Variants in STAB2 observed in about 807,000 individuals in gnomAD.
The protein encoded by STAB2 is stabilin 2, also known as stabilin-2.
In STAB2, 288 loss-of-function variants were observed where a neutral mutation model predicts 338.1. The ratio of observed to expected loss-of-function variants is 0.85; its 90% CI spans 0.77 to 0.94. STAB2 has a LOEUF of 0.94. Among genes scored for constraint, STAB2 ranks in the 40% least tolerant of loss-of-function variants. STAB2 has a pLI of 0.00. For synonymous variants in STAB2, 1,202 were observed against 1,193.3 expected (o/e 1.01, Z -0.15); for missense variants, 3,141 against 3,210.1 (o/e 0.98, Z 0.52).
intron 58 of STAB2, among the ~76,000 whole-genome samples, chr12:103,748,493 G>A (rs1883257278): frequency 1.3e-5 from 2 of 152,034 alleles, no homozygotes; most frequent in South Asian, 4.1e-4. Flanking sequence ...GCTTTGTCAG[G>A]TCAGTTAAGC....
At chr12:103,645,619 C>T (rs1210898390) in intron 9 of STAB2, among the ~76,000 whole-genome samples, 4 of 152,244 alleles carry the variant, frequency 2.6e-5, no homozygotes, top group Non-Finnish European at 4.4e-5. Flanking sequence ...CCAGTCTCCT[C>T]CTTTCCATCA....
chr12:103,732,044 C>T (rs1047092706), intron 50 of STAB2, among the ~76,000 whole-genome samples: 5 of 152,200 alleles, frequency 3.3e-5, no homozygotes, highest in African/African-American at 4.8e-5. Flanking sequence ...CACAGTGGCT[C>T]ACACCTGTAA....
At chr12:103,606,651 T>C (rs1245636393) in intron 3 of STAB2, among the ~76,000 whole-genome samples, 1 of 152,180 alleles carries the variant, frequency 6.6e-6, no homozygotes, top group African/African-American at 2.4e-5. Flanking sequence ...TTTTGGTAAT[T>C]TAAAGATGTT....
chr12:103,747,474 G>C (rs1319970542), intron 58 of STAB2, among the ~76,000 whole-genome samples: 2 of 152,144 alleles, frequency 1.3e-5, no homozygotes, highest in Non-Finnish European at 2.9e-5. Context: ...CCTCACCTGA[G>C]GTGGCCAATA....
chr12:103,620,671 A>T (rs1461302081), intron 4 of STAB2, 118 bp downstream of exon 4: 6 of 892,072 alleles, frequency 6.7e-6, no homozygotes, highest in Non-Finnish European at 8.5e-6. Context: ...ACACACATAT[A>T]CAGCGAAGTT....
intron 2 of STAB2, 89 bp downstream of exon 2, chr12:103,591,119 C>A: frequency 6.4e-7 from 1 of 1,571,702 alleles, no homozygotes; most frequent in Non-Finnish European, 8.7e-7. Flanking sequence ...CATGACTTTT[C>A]TCTTGCTCTA....
At chr12:103,737,832 C>A in intron 53 of STAB2, 52 bp downstream of exon 53, 3 of 1,607,132 alleles carry the variant, frequency 1.9e-6, no homozygotes, top group Non-Finnish European at 2.5e-6. Flanking sequence ...CAAAGAATGG[C>A]CCTCATGATC....
Position 103,725,022 on chromosome 12 carries a change from A to G in STAB2, c.4731A>G (p.Gln1577=). ...TTGCCATCTGCAACCACACTGGGCA[A>G]GTAGAAAGGACTTGTACTTGCAAGC... ...SEFAICNHTG[Q]VERTCTCKPN... is the part of the protein sequence containing the mutation. Residue 1577 remains glutamine, a synonymous_variant, in exon 45 of 69, where the codon CAA becomes CAG. Transcript: ENST00000388887. 1.1e-5 allele frequency: 18 copies of G among 1,614,180 alleles called. No individual in the cohort carries two copies. The highest frequency in any genetic ancestry group is 1.5e-5 in the Non-Finnish European group (18 of 1,179,986).
intron 20 of STAB2, among the ~76,000 whole-genome samples, chr12:103,669,004 T>C (rs1476159966): frequency 6.6e-6 from 1 of 152,196 alleles, no homozygotes; most frequent in African/African-American, 2.4e-5. Flanking sequence ...GACCTGCCTG[T>C]CACCCCCATT....
chr12:103,736,970 T>C (rs1882180454), intron 52 of STAB2, among the ~76,000 whole-genome samples: 1 of 152,158 alleles, frequency 6.6e-6, no homozygotes, highest in African/African-American at 2.4e-5. Context: ...AATGAAATAA[T>C]ATCTCCAAAG....
chr12:103,690,774 G>A (rs1877869648), intron 30 of STAB2, among the ~76,000 whole-genome samples: 2 of 152,126 alleles, frequency 1.3e-5, no homozygotes, highest in South Asian at 4.2e-4. Context: ...CCACTGATTG[G>A]CCACAAGTCT....
intron 11 of STAB2, among the ~76,000 whole-genome samples, chr12:103,650,839 G>C (rs747586888): frequency 6.6e-6 from 1 of 152,106 alleles, no homozygotes; most frequent in South Asian, 2.1e-4. Flanking sequence ...AACCTAGAAG[G>C]CCCCCTGGTC....
At chr12:103,681,613 CTTTTTTTTTT>C (rs907234037) in intron 25 of STAB2, among the ~76,000 whole-genome samples, 3 of 92,954 alleles carry the variant, frequency 3.2e-5, no homozygotes, top group South Asian at 7.4e-4. Flanking sequence ...TTCCCCCCTA[CTTTTTTTTTT>C]TTTTTTTTTT....
In STAB2 at chr12:103,746,615, C is replaced by G; in HGVS notation, c.6155C>G (p.Thr2052Arg). 6.2e-7 allele frequency: 1 copy of G among 1,614,038 alleles called. No individual in the cohort carries two copies. Among genetic ancestry groups the G allele is most frequent in the African/African-American group, 1.3e-5 (1 of 75,044 alleles). ...TTTGCAGTTTTGCCTGCAGTGTGTA[C>G]GCCTCCTTGTTCTGCTCATGCCACC... is the stretch of plus-strand genomic sequence containing the variant. ...DTQAVLPAVC[T>R]PPCSAHATCK... Residue 2052 changes from threonine (T) to arginine (R), a missense_variant, in exon 58 of 69, where the codon ACG becomes AGG. Transcript: ENST00000388887.
At chr12:103,599,575 A>G (rs1346415496) in intron 3 of STAB2, among the ~76,000 whole-genome samples, 1 of 152,228 alleles carries the variant, frequency 6.6e-6, no homozygotes, top group African/African-American at 2.4e-5. Flanking sequence ...ACCCAGTTCT[A>G]TTTGAATTTC....
At chr12:103,688,241 A>G in intron 28 of STAB2, 26 bp downstream of exon 28, 1 of 1,609,054 alleles carries the variant, frequency 6.2e-7, no homozygotes, top group Non-Finnish European at 8.5e-7. Context: ...GGGACTTAGG[A>G]TTGGGAATGT....
At chr12:103,660,565 C>A in intron 16 of STAB2, 118 bp from the exon 17 acceptor site, 1 of 1,336,292 alleles carries the variant, frequency 7.5e-7, no homozygotes, top group South Asian at 1.2e-5. Context: ...CTCTTGAGAT[C>A]AAAACTCCCT....
chr12:103,637,121 A>G lies in STAB2; in HGVS notation c.594A>G (p.Glu198=). ...TGPKCDKPIP[E]CAALLCPENS... The stretch of plus-strand genomic sequence containing the variant: ...AATTTTCCTATGCAGCCATCCCTGA[A>G]TGTGCAGCCTTGCTCTGCCCAGAAA... The change falls in exon 7 of 69, where the codon GAA becomes GAG. Residue 198 remains glutamate (E), a synonymous_variant. Coordinates refer to ENST00000388887, the MANE Select transcript of STAB2 (RefSeq NM_017564.10). 6.2e-7 allele frequency: 1 copy of G among 1,604,552 alleles called. No individual in the cohort carries two copies. Among genetic ancestry groups the G allele is most frequent in the South Asian group, 1.1e-5 (1 of 88,938 alleles).
At chr12:103,650,157 G>A (rs1565984190) in intron 10 of STAB2, among the ~76,000 whole-genome samples, 2 of 152,094 alleles carry the variant, frequency 1.3e-5, no homozygotes, top group African/African-American at 2.4e-5. Context: ...TTTGCTCACC[G>A]AGACAGTGAC....
Sources: allele counts gnomAD v4.1 joint callset (sites outside exome capture counted in the v4.1 genomes callset), GRCh38; gene constraint gnomAD v4.1.1; transcripts MANE v1.5; gene names NCBI Gene and HGNC (gene_info 2026-07-23, HGNC 2026-07-21).